The following VGLL4 variants were observed in gnomAD, a reference collection of about 807,000 sequenced individuals.
VGLL4 encodes transcription cofactor vestigial-like protein 4.
VGLL4 carries 7 observed loss-of-function variants against 21.0 expected under a neutral mutation model. That is an observed-to-expected ratio of 0.33 (90% CI 0.19 to 0.63). The LOEUF is 0.63. VGLL4 is among the 20% of genes least tolerant of loss of function. The pLI is 0.78. For synonymous variants in VGLL4, 222 were observed against 173.2 expected (o/e 1.28, Z -2.21); for missense variants, 394 against 425.7 (o/e 0.93, Z 0.66).
intron 2 of VGLL4, among the ~76,000 whole-genome samples, chr3:11,601,271 G>A (rs1025770496): frequency 6.6e-6 from 1 of 152,204 alleles, no homozygotes; most frequent in South Asian, 2.1e-4. Flanking sequence ...GGCTGGATGT[G>A]GTGAGTGGCA....
At chr3:11,699,156 T>A (rs927118463) in intron 2 of VGLL4, among the ~76,000 whole-genome samples, 1 of 152,186 alleles carries the variant, frequency 6.6e-6, no homozygotes, top group East Asian at 1.9e-4. Flanking sequence ...GAAAGCTGAG[T>A]CAGGCTGAAT....
intron 1 of VGLL4, among the ~76,000 whole-genome samples, chr3:11,614,818 A>G (rs959678951): frequency 1.3e-5 from 2 of 152,250 alleles, no homozygotes; most frequent in Non-Finnish European, 2.9e-5. Flanking sequence ...AAGTAAAGCG[A>G]GTAACTTAAA....
intron 2 of VGLL4, among the ~76,000 whole-genome samples, chr3:11,689,918 C>G (rs1363615972): frequency 6.6e-6 from 1 of 152,148 alleles, no homozygotes; most frequent in African/African-American, 2.4e-5. Context: ...ATACCGCCTG[C>G]TAGAGGGCCT....
intron 1 of VGLL4, among the ~76,000 whole-genome samples, chr3:11,634,038 C>A (rs1289786267): frequency 2.0e-5 from 3 of 152,136 alleles, no homozygotes; most frequent in Non-Finnish European, 4.4e-5. Context: ...CTATTCCACC[C>A]TTTGCCCCAG....
intron 1 of VGLL4, among the ~76,000 whole-genome samples, chr3:11,606,199 G>A (rs1174281067): frequency 5.9e-5 from 9 of 152,104 alleles, no homozygotes; most frequent in African/African-American, 1.9e-4. Context: ...TTACTACCAC[G>A]GGTACAGTAT....
chr3:11,589,788 T>C lies in VGLL4; in HGVS notation c.272+12045A>G, dbSNP rs573041166. 7.2e-5 allele frequency among the ~76,000 whole-genome samples: 11 copies of C among 152,246 alleles called. No homozygotes were observed. The South Asian group carries it at 2.3e-3, about 32-fold the overall frequency. ...GCCTTCTTGCTGTGTCCTTATGTGG[T>C]GGGGAGAAAGCAAGCAAGATCGCTG... is the stretch of plus-strand genomic sequence containing the variant. On this transcript the variant is annotated intron_variant, in intron 2 of 4. Coordinates refer to ENST00000430365, the MANE Select transcript of VGLL4 (RefSeq NM_001128219.3).
chr3:11,667,340 T>A lies in VGLL4; in HGVS notation c.64+35631A>T, dbSNP rs17035067. ...TGAGCTTTGCAATGATCTGTCCTTA[T>A]CTTTCCTTCTGAACGTTCATACATG... On this transcript the variant is annotated intron_variant, in intron 2 of 5. Transcript: ENST00000273038. Among the ~76,000 whole-genome samples, 1,148 of 152,382 alleles carry A rather than the reference T, an allele frequency of 7.5e-3. 13 individuals are homozygous for A. The highest frequency in any genetic ancestry group is 0.025 in the African/African-American group (1,060 of 41,594).
chr3:11,606,379 A>G lies in VGLL4; in HGVS notation c.83-4357T>C, dbSNP rs546022586. Among the ~76,000 whole-genome samples, 31 of 152,342 alleles carry G rather than the reference A, an allele frequency of 2.0e-4. 1 individual carries two copies. In the South Asian group the frequency reaches 5.6e-3, roughly 28 times the overall value. ...GGAAATGCGAATCAATACCACAAAG[A>G]GATACCACTAACACCTGTTAGGATG... On this transcript the variant is annotated intron_variant, in intron 1 of 4. Transcript: ENST00000430365.
intron 2 of VGLL4, among the ~76,000 whole-genome samples, chr3:11,598,264 T>TCACCCACATCCTTA (rs74738646): frequency 1.3e-5 from 2 of 151,716 alleles, no homozygotes; most frequent in Non-Finnish European, 2.9e-5. Flanking sequence ...TGACCTCATG[T>TCACCCACATCCTTA]GATCCGCCCA....
chr3:11,705,113 C>G (rs1043673314), intron 1 of VGLL4, among the ~76,000 whole-genome samples: 2 of 152,142 alleles, frequency 1.3e-5, no homozygotes, highest in Non-Finnish European at 2.9e-5. Flanking sequence ...TCGATGGGAC[C>G]GCGGCTTGAC....
At chr3:11,696,186 A>C (rs2076604463) in intron 2 of VGLL4, among the ~76,000 whole-genome samples, 1 of 152,162 alleles carries the variant, frequency 6.6e-6, no homozygotes, top group Admixed American at 6.5e-5. Context: ...CTCCAAGGGG[A>C]ATGGGCAGGA....
At chr3:11,630,260 A>G (rs748756611) in intron 1 of VGLL4, among the ~76,000 whole-genome samples, 4 of 152,246 alleles carry the variant, frequency 2.6e-5, no homozygotes, top group Middle Eastern at 3.2e-3. Context: ...AATGAATTAC[A>G]AGTTAACAAT....
At chr3:11,585,339 G>A (rs959990001) in intron 2 of VGLL4, among the ~76,000 whole-genome samples, 1 of 151,926 alleles carries the variant, frequency 6.6e-6, no homozygotes, top group Admixed American at 6.6e-5. Flanking sequence ...AGGAGGCTGA[G>A]GCAGAACTGC....
chr3:11,630,502 T>C (rs112209699), intron 1 of VGLL4, among the ~76,000 whole-genome samples: 3,247 of 151,902 alleles, frequency 0.021, 98 homozygotes, highest in African/African-American at 0.072. Flanking sequence ...AAAAATTAGA[T>C]GGGCGTGGTG....
chr3:11,679,973 A>G (rs1475023640), intron 2 of VGLL4, among the ~76,000 whole-genome samples: 4 of 152,192 alleles, frequency 2.6e-5, no homozygotes, highest in Non-Finnish European at 4.4e-5. Context: ...CTACTCACCC[A>G]GTGCAACTTC....
At chr3:11,669,725 G>A (rs1472949444) in intron 2 of VGLL4, among the ~76,000 whole-genome samples, 1 of 151,880 alleles carries the variant, frequency 6.6e-6, no homozygotes, top group African/African-American at 2.4e-5. Context: ...TATAGCCCAG[G>A]CTGGAGAACA....
chr3:11,699,873 C>G (rs2076655536), intron 2 of VGLL4, among the ~76,000 whole-genome samples: 1 of 152,060 alleles, frequency 6.6e-6, no homozygotes, highest in Admixed American at 6.5e-5. Context: ...TTGTTAGAGC[C>G]TTATAAGCGA....
chr3:11,652,195 G>A (rs1224387625), intron 2 of VGLL4, among the ~76,000 whole-genome samples: 2 of 152,224 alleles, frequency 1.3e-5, no homozygotes, highest in East Asian at 3.9e-4. Context: ...ATTCTTGCCT[G>A]ATGTGCATTA....
At chr3:11,577,916 A>G (rs955485183) in intron 2 of VGLL4, among the ~76,000 whole-genome samples, 2 of 152,202 alleles carry the variant, frequency 1.3e-5, no homozygotes, top group African/African-American at 4.8e-5. Flanking sequence ...TCTCCTTCAA[A>G]TTACTCTGAC....
Sources: gnomAD v4.1 joint callset for allele counts (sites outside exome capture counted in the v4.1 genomes callset) on GRCh38, gnomAD v4.1.1 for gene constraint, MANE v1.5 for transcripts, NCBI Gene and HGNC (gene_info 2026-07-23, HGNC 2026-07-21) for gene names.